Variants in TENM1 observed in about 807,000 individuals in gnomAD.
TENM1 encodes the protein teneurin-1.
TENM1 carries 35 observed loss-of-function variants against 174.8 expected under a neutral mutation model. The ratio of observed to expected loss-of-function variants is 0.20; its 90% CI spans 0.15 to 0.27. The LOEUF (loss-of-function observed/expected upper bound fraction) is 0.27. TENM1 is among the 10% of genes least tolerant of loss of function. The pLI is 1.00. For missense variants in TENM1, 1,633 were observed against 2,130.1 expected, an observed-to-expected ratio of 0.77 and a Z score of 4.59; for synonymous variants, 781 against 798.7, an observed-to-expected ratio of 0.98 and a Z score of 0.37.
intron 3 of TENM1, among the ~76,000 whole-genome samples, chrX:124,821,413 C>T (rs972375606): frequency 6.3e-5 from 7 of 111,601 alleles, no homozygotes; most frequent in African/African-American, 2.0e-4. Context: ...AAAATTAGAA[C>T]GATTAGAAAA....
chrX:125,070,525 C>G, the TENM1 span, among the ~76,000 whole-genome samples: 3 of 111,386 alleles, frequency 2.7e-5, no homozygotes, highest in Non-Finnish European at 5.7e-5. Flanking sequence ...TTGGTACTAA[C>G]TTCACTTTCT....
At chrX:124,715,062 T>C (rs973601762) in intron 4 of TENM1, among the ~76,000 whole-genome samples, 1 of 112,526 alleles carries the variant, frequency 8.9e-6, no homozygotes, top group Non-Finnish European at 1.9e-5. Context: ...CAGGCCAACG[T>C]ATAAAAATTA....
intron 15 of TENM1, among the ~76,000 whole-genome samples, chrX:124,541,715 G>A (rs2048324069): frequency 8.9e-6 from 1 of 112,027 alleles, no homozygotes; most frequent in Non-Finnish European, 1.9e-5. Context: ...CCTACTTCAT[G>A]CCAAATACTG....
intron 3 of TENM1, among the ~76,000 whole-genome samples, chrX:124,861,174 G>A (rs1453100221): frequency 1.8e-5 from 2 of 111,892 alleles, no homozygotes; most frequent in African/African-American, 6.5e-5. Context: ...TGTATTGAGG[G>A]CGAGTAAAAA....
chrX:124,624,313 C>T (rs1569349815), intron 11 of TENM1, among the ~76,000 whole-genome samples: 1 of 111,716 alleles, frequency 9.0e-6, no homozygotes, highest in Non-Finnish European at 1.9e-5. Flanking sequence ...CTGCCTGCTA[C>T]TCTCTGCCCC....
chrX:124,685,137 AAACAACAACAACAACAAC>A (rs3060647), intron 5 of TENM1, among the ~76,000 whole-genome samples: 2 of 106,074 alleles, frequency 1.9e-5, no homozygotes, highest in African/African-American at 7.1e-5. Flanking sequence ...AGCAAAAAAC[AAACAACAACAACAACAAC>A]AACAACAACA....
chrX:124,622,369 C>T (rs1569348574), intron 11 of TENM1, among the ~76,000 whole-genome samples: 1 of 112,280 alleles, frequency 8.9e-6, no homozygotes, highest in Non-Finnish European at 1.9e-5. Flanking sequence ...TTGCAAAACG[C>T]TCACAAGGTC....
At chrX:124,871,243 T>C (rs964806212) in intron 3 of TENM1, among the ~76,000 whole-genome samples, 7 of 111,716 alleles carry the variant, frequency 6.3e-5, no homozygotes, top group Admixed American at 1.9e-4. Flanking sequence ...TAACCTGTAA[T>C]AAGAAAATAT....
At chrX:125,021,574 G>A in the TENM1 span, among the ~76,000 whole-genome samples, 5 of 107,530 alleles carry the variant, frequency 4.6e-5, no homozygotes, top group Non-Finnish European at 7.8e-5. Context: ...TTTAAGTCAG[G>A]ATCTGGCAAA....
chrX:124,506,909 G>A (rs953790402), intron 18 of TENM1, among the ~76,000 whole-genome samples: 2 of 111,631 alleles, frequency 1.8e-5, no homozygotes, highest in Admixed American at 9.6e-5. Context: ...TTACACTGCA[G>A]CTGGCACTGA....
the TENM1 span, among the ~76,000 whole-genome samples, chrX:125,166,951 T>C: frequency 8.9e-6 from 1 of 111,734 alleles, no homozygotes; most frequent in Non-Finnish European, 1.9e-5. Context: ...CAGCTTTAGG[T>C]GACCAAGCAG....
At chrX:124,417,642 A>G (rs190645113) in intron 25 of TENM1, among the ~76,000 whole-genome samples, 4 of 111,392 alleles carry the variant, frequency 3.6e-5, no homozygotes, top group South Asian at 7.7e-4. Flanking sequence ...AAACACCAGT[A>G]CATCTCAAAT....
intron 23 of TENM1, among the ~76,000 whole-genome samples, chrX:124,423,125 A>G (rs1334671917): frequency 8.9e-6 from 1 of 111,765 alleles, no homozygotes; most frequent in Non-Finnish European, 1.9e-5. Context: ...AGGAGAGCAA[A>G]GTCATACAGG....
chrX:124,677,214 G>T (rs1469812291), intron 5 of TENM1, among the ~76,000 whole-genome samples: 3 of 111,081 alleles, frequency 2.7e-5, no homozygotes, highest in Non-Finnish European at 5.7e-5. Context: ...CTGTTGAGCA[G>T]TGATGATCTT....
At chrX:125,164,067 A>G in the TENM1 span, among the ~76,000 whole-genome samples, 1 of 112,033 alleles carries the variant, frequency 8.9e-6, no homozygotes, top group African/African-American at 3.2e-5. Context: ...TGCTTATGTA[A>G]TAATGAGCTG....
intron 25 of TENM1, among the ~76,000 whole-genome samples, chrX:124,419,154 A>G (rs2060624044): frequency 8.9e-6 from 1 of 112,405 alleles, no homozygotes; most frequent in Non-Finnish European, 1.9e-5. Context: ...CTTGCAACTG[A>G]AACAACTGAA....
the TENM1 span, among the ~76,000 whole-genome samples, chrX:125,069,526 T>C: frequency 9.0e-6 from 1 of 111,293 alleles, no homozygotes; most frequent in Non-Finnish European, 1.9e-5. Context: ...GTAGTGGGAC[T>C]GCTGGATCAA....
At chrX:125,149,114 C>A in the TENM1 span, among the ~76,000 whole-genome samples, 1 of 106,517 alleles carries the variant, frequency 9.4e-6, no homozygotes, top group Non-Finnish European at 1.9e-5. Flanking sequence ...TGTCCCAATG[C>A]CACTGATGCT....
At chrX:124,931,500 C>T (rs904177458) in intron 1 of TENM1, among the ~76,000 whole-genome samples, 1 of 111,121 alleles carries the variant, frequency 9.0e-6, no homozygotes, top group Non-Finnish European at 1.9e-5. Flanking sequence ...AACCATGAGG[C>T]TGAAACAGCA....
Sources: allele counts gnomAD v4.1 joint callset (sites outside exome capture counted in the v4.1 genomes callset), GRCh38; gene constraint gnomAD v4.1.1; transcripts MANE v1.5; gene names NCBI Gene and HGNC (gene_info 2026-07-23, HGNC 2026-07-21).